The following APOL5 variants were observed in gnomAD, a reference collection of about 807,000 sequenced individuals.
APOL5 encodes apolipoprotein L, 5.
A neutral mutation model predicts 35.5 loss-of-function variants in APOL5; 29 were observed. That is an observed-to-expected ratio of 0.82 (90% CI 0.61 to 1.11). APOL5 has a LOEUF of 1.11. Among genes scored for constraint, APOL5 ranks in the 50% most tolerant of loss-of-function variants. The pLI is 0.00. For missense variants in APOL5, 514 were observed against 530.4 expected (o/e 0.97, Z 0.30); for synonymous variants, 188 against 200.2 (o/e 0.94, Z 0.51).
intron 3 of APOL5, among the ~76,000 whole-genome samples, chr22:35,727,768 C>T (rs1927221422): frequency 6.6e-6 from 1 of 152,012 alleles, no homozygotes; most frequent in Non-Finnish European, 1.5e-5. Flanking sequence ...TGTGGCATTG[C>T]GTGATAAAAA....
At chr22:35,711,622 C>CCTTCCTTCCTTCCTTCCTTCCTTT in the APOL5 span, among the ~76,000 whole-genome samples, 4 of 146,034 alleles carry the variant, frequency 2.7e-5, no homozygotes, top group African/African-American at 1.0e-4. Flanking sequence ...TTCCTTCCTT[C>CCTTCCTTCCTTCCTTCCTTCCTTT]CTTCCTTCCT....
the APOL5 span, among the ~76,000 whole-genome samples, chr22:35,710,113 CTTTTTTT>C: frequency 5.4e-4 from 47 of 86,710 alleles, no homozygotes; most frequent in Middle Eastern, 6.0e-3. Context: ...CTTTCTTTCT[CTTTTTTT>C]TTTTTTTTTT....
chr22:35,717,235 A>AAAAAAAAAAAAAAAAAAAAATATATGTAT, upstream of APOL5, among the ~76,000 whole-genome samples: 1 of 57,664 alleles, frequency 1.7e-5, no homozygotes, highest in Non-Finnish European at 3.1e-5. Flanking sequence ...AAAAAAAAAA[A>AAAAAAAAAAAAAAAAAAAAATATATGTAT]ATATATATAT....
chr22:35,715,199 C>T (rs943425113), upstream of APOL5, among the ~76,000 whole-genome samples: 9 of 152,252 alleles, frequency 5.9e-5, no homozygotes, highest in Non-Finnish European at 8.8e-5. Context: ...CTCCCACTCC[C>T]GCTATATGAT....
At chr22:35,719,786 G>C (rs1427793232) in intron 1 of APOL5, among the ~76,000 whole-genome samples, 2 of 152,348 alleles carry the variant, frequency 1.3e-5, no homozygotes, top group Admixed American at 1.3e-4. Flanking sequence ...GAAGGACAAA[G>C]CAGAGGGTCT....
chr22:35,723,098 T>A (rs1246770888), intron 2 of APOL5, among the ~76,000 whole-genome samples: 1 of 152,154 alleles, frequency 6.6e-6, no homozygotes, highest in Non-Finnish European at 1.5e-5. Context: ...CTGGTCCACT[T>A]GAGGCTGCTG....
rs570364677 is a variant in APOL5, at chr22:35,720,906, C to T, written c.142+252C>T. Among the ~76,000 whole-genome samples, 35 of 152,174 alleles carry T rather than the reference C, an allele frequency of 2.3e-4. No homozygotes were observed. In the South Asian group the frequency reaches 4.8e-3, roughly 21 times the overall value. ...GATTACAGGCGCCCGCCACCACGCCCGGCTAATTTTTATATTTTTTGTAGA... is the reference window on the plus strand; with the variant it reads ...GATTACAGGCGCCCGCCACCACGCCTGGCTAATTTTTATATTTTTTGTAGA... On this transcript the variant is annotated intron_variant, in intron 2 of 4. Coordinates refer to ENST00000249044, the MANE Select transcript of APOL5 (RefSeq NM_030642.1).
upstream of APOL5, among the ~76,000 whole-genome samples, chr22:35,715,480 T>C (rs1300075476): frequency 6.6e-6 from 1 of 152,094 alleles, no homozygotes; most frequent in Non-Finnish European, 1.5e-5. Flanking sequence ...ACCCCGTCTC[T>C]ACTAAGAATG....
At chr22:35,721,035 C>T (rs547887765) in intron 2 of APOL5, among the ~76,000 whole-genome samples, 191 of 152,132 alleles carry the variant, frequency 1.3e-3, no homozygotes, top group African/African-American at 4.4e-3. Context: ...TGTGAGCCAC[C>T]GTGCCCAGCT....
intron 1 of APOL5, among the ~76,000 whole-genome samples, chr22:35,718,386 C>A (rs577577995): frequency 1.3e-4 from 20 of 151,174 alleles, no homozygotes; most frequent in African/African-American, 4.8e-4. Context: ...GGGAGGCCAA[C>A]ATGGGCAGAT....
chr22:35,716,668 C>G (rs1220232053), upstream of APOL5, among the ~76,000 whole-genome samples: 2 of 152,162 alleles, frequency 1.3e-5, no homozygotes, highest in Admixed American at 6.5e-5. Context: ...CCCTAAATCT[C>G]CCTCCCTGAG....
At chr22:35,716,838 T>C (rs1569150225), upstream of APOL5, among the ~76,000 whole-genome samples, 1 of 152,176 alleles carries the variant, frequency 6.6e-6, no homozygotes, top group Non-Finnish European at 1.5e-5. Flanking sequence ...CTAGGTCAGT[T>C]GTACATAGAT....
chr22:35,726,235 G>A lies in APOL5; in HGVS notation c.167G>A (p.Ser56Asn). The A allele has an allele frequency of 1.2e-6, 2 of 1,611,396 alleles. No individual in the cohort carries two copies. The highest frequency in any genetic ancestry group is 1.7e-6 in the Non-Finnish European group (2 of 1,177,598). The part of the protein sequence containing the change: ...EFPSLVNLCQ[S>N]WKINNLMSTV... ...GCCTCACTCGTGAACCTGTGCCAGA[G>A]TTGGAAAATTAACAATTTGATGTCA... The change falls in exon 3 of 5, where the codon AGT becomes AAT. Residue 56 changes from serine to asparagine, a missense_variant. Transcript: ENST00000249044.
chr22:35,710,904 C>G, the APOL5 span, among the ~76,000 whole-genome samples: 1 of 152,212 alleles, frequency 6.6e-6, no homozygotes, highest in Non-Finnish European at 1.5e-5. Context: ...CAGTGGCTCA[C>G]GCCTGTAATC....
chr22:35,717,966 C>T (rs758498118), intron 1 of APOL5, 40 bp downstream of exon 1: 81 of 1,489,988 alleles, frequency 5.4e-5, no homozygotes, highest in Non-Finnish European at 7.0e-5. Context: ...GCAATTCTCA[C>T]GTTGTACAAA....
At chr22:35,722,341 C>T (rs184428857) in intron 2 of APOL5, among the ~76,000 whole-genome samples, 3 of 152,272 alleles carry the variant, frequency 2.0e-5, no homozygotes, top group East Asian at 3.9e-4. Context: ...CTCCCTCTGT[C>T]GCCCAGGCTG....
In APOL5 at chr22:35,726,227, G is replaced by A; in HGVS notation, c.159G>A (p.Leu53=). 1 of 1,610,920 alleles carries A rather than the reference G, an allele frequency of 6.2e-7. No homozygotes were observed. Among genetic ancestry groups the A allele is most frequent in the Non-Finnish European group, 8.5e-7 (1 of 1,177,216 alleles). The change falls in exon 3 of 5, where the codon CTG becomes CTA. Residue 53 remains leucine (L), a synonymous_variant. Coordinates refer to ENST00000249044, the MANE Select transcript of APOL5 (RefSeq NM_030642.1). The part of the protein sequence containing the change: ...PEPEFPSLVN[L]CQSWKINNLM... ...TGTCTTTAGCCTCACTCGTGAACCT[G>A]TGCCAGAGTTGGAAAATTAACAATT...
At chr22:35,725,775 C>T (rs1309836439) in intron 2 of APOL5, among the ~76,000 whole-genome samples, 1 of 152,114 alleles carries the variant, frequency 6.6e-6, no homozygotes, top group African/African-American at 2.4e-5. Context: ...ATCTCGAGCA[C>T]TCATGTTAGG....
At chr22:35,728,681 C>G (rs1348607766) in intron 3 of APOL5, 42 bp from the exon 4 acceptor site, 1 of 1,592,534 alleles carries the variant, frequency 6.3e-7, no homozygotes, top group South Asian at 1.2e-5. Context: ...GGGCAGATCT[C>G]TTTCTTGGAA....
Sources: gnomAD v4.1 joint callset for allele counts (sites outside exome capture counted in the v4.1 genomes callset) on GRCh38, gnomAD v4.1.1 for gene constraint, MANE v1.5 for transcripts, NCBI Gene and HGNC (gene_info 2026-07-23, HGNC 2026-07-21) for gene names.